ELOVL2: variants seen among roughly 807,000 people sequenced by gnomAD.
The protein encoded by ELOVL2 is ELOVL fatty acid elongase 2, also known as very long chain fatty acid elongase 2.
ELOVL2 carries 38 observed loss-of-function variants against 37.7 expected under a neutral mutation model. The ratio of observed to expected loss-of-function variants is 1.01; its 90% CI spans 0.78 to 1.32. The LOEUF (loss-of-function observed/expected upper bound fraction) is 1.32. ELOVL2 is among the 40% of genes most tolerant of loss of function. ELOVL2 has a pLI of 0.00. For missense variants in ELOVL2, 352 were observed against 363.6 expected (o/e 0.97, Z 0.26); for synonymous variants, 115 against 122.3 (o/e 0.94, Z 0.40).
At chr6:11,009,270 A>C (rs1206394047) in intron 2 of ELOVL2, among the ~76,000 whole-genome samples, 1 of 152,216 alleles carries the variant, frequency 6.6e-6, no homozygotes, top group Admixed American at 6.5e-5. Flanking sequence ...AGATACTCCC[A>C]AACCCTGTAG....
chr6:11,014,371 C>A (rs1266742024), intron 1 of ELOVL2, among the ~76,000 whole-genome samples: 5 of 150,988 alleles, frequency 3.3e-5, no homozygotes, highest in African/African-American at 9.8e-5. Context: ...CTCAGCTACT[C>A]AGAAGGCTGA....
intron 7 of ELOVL2, among the ~76,000 whole-genome samples, chr6:10,984,673 C>T (rs1263699672): frequency 1.3e-5 from 2 of 150,964 alleles, no homozygotes; most frequent in Non-Finnish European, 1.5e-5. Context: ...ATCCATGTCC[C>T]TACAAAGGAC....
chr6:11,041,712 T>C (rs939831300), intron 1 of ELOVL2, among the ~76,000 whole-genome samples: 3 of 152,242 alleles, frequency 2.0e-5, no homozygotes, highest in Non-Finnish European at 4.4e-5. Context: ...TAGTCATAGC[T>C]ATAATTACAT....
chr6:11,044,279 G>C lies in ELOVL2; in HGVS notation c.-49C>G. Reference sequence around the variant, plus strand: ...CGACCCGGGCGGGCGGCGATGCGCTGTCCAGGGTAGCCGGGTCCCTCTGCC... The same window carrying C: ...CGACCCGGGCGGGCGGCGATGCGCTCTCCAGGGTAGCCGGGTCCCTCTGCC... On this transcript the variant is annotated 5_prime_UTR_variant, in exon 1 of 8. Coordinates refer to ENST00000354666, the MANE Select transcript of ELOVL2 (RefSeq NM_017770.4). The surrounding 1 kb of genome is among the most constrained non-coding windows in gnomAD (Gnocchi z 5.6). 1.6e-6 allele frequency: 2 copies of C among 1,288,340 alleles called. No homozygotes were observed. Among genetic ancestry groups the C allele is most frequent in the Non-Finnish European group, 2.0e-6 (2 of 1,018,782 alleles). The allele number at this position is 1,288,340 out of a possible 1,614,324, so 79.8% of individuals were successfully genotyped here.
intron 1 of ELOVL2, among the ~76,000 whole-genome samples, chr6:11,030,528 G>A (rs1369575280): frequency 6.6e-6 from 1 of 152,062 alleles, no homozygotes; most frequent in East Asian, 1.9e-4. Context: ...GTCTCGCTCT[G>A]TCACCCAGGC....
rs1401094736 is a variant in ELOVL2 at position 11,005,444 on chromosome 6, A to G, written c.183T>C (p.Ala61=). The G allele has an allele frequency of 6.2e-7, 1 of 1,614,178 alleles. No individual in the cohort carries two copies. The highest frequency in any genetic ancestry group is 1.7e-5 in the Admixed American group (1 of 60,028). Reference sequence around the variant, plus strand: ...AGGTGAGGATACCCCTGAGAGAAAGAGCAGGTCTGTTCTTCATATACTTGT... The same window carrying G: ...AGGTGAGGATACCCCTGAGAGAAAGGGCAGGTCTGTTCTTCATATACTTGT... ...LGNKYMKNRP[A]LSLRGILTLY... Residue 61 remains alanine (A), a synonymous_variant, in exon 3 of 8, where the codon GCT becomes GCC. Coordinates refer to ENST00000354666, the MANE Select transcript of ELOVL2 (RefSeq NM_017770.4).
At chr6:11,017,591 C>G (rs537963208) in intron 1 of ELOVL2, among the ~76,000 whole-genome samples, 1 of 152,302 alleles carries the variant, frequency 6.6e-6, no homozygotes, top group Non-Finnish European at 1.5e-5. Flanking sequence ...CTCCACTTCC[C>G]ACACATGGCT....
At position 11,044,246 on chromosome 6, in the gene ELOVL2, T is replaced by C. The variant is rs756902596; in HGVS notation, c.-16A>G. 1.4e-4 allele frequency: 188 copies of C among 1,347,384 alleles called. No individual in the cohort carries two copies. In the African/African-American group the frequency reaches 2.3e-3, roughly 16 times the overall value. The allele number at this position is 1,347,384 out of a possible 1,614,324, so 83.5% of individuals were successfully genotyped here. A position where few individuals can be genotyped will look rare whatever the true frequency, so the allele number is the denominator to read the frequency against. On this transcript the variant is annotated 5_prime_UTR_variant, in exon 1 of 8. Transcript: ENST00000354666. The surrounding 1 kb of genome is among the most constrained non-coding windows in gnomAD (Gnocchi z 5.6). ...CACTCACCATGATCCGCAGCGGCTG[T>C]GGCGCGGCGACCCGGGCGGGCGGCG...
chr6:10,985,813 A>T (rs964673943), intron 7 of ELOVL2, among the ~76,000 whole-genome samples: 5 of 152,044 alleles, frequency 3.3e-5, no homozygotes, highest in Non-Finnish European at 4.4e-5. Context: ...TTGGCTTAGG[A>T]TTGACTTGGC....
intron 3 of ELOVL2, among the ~76,000 whole-genome samples, chr6:11,002,057 A>G (rs1369575018): frequency 6.6e-6 from 1 of 152,150 alleles, no homozygotes; most frequent in Non-Finnish European, 1.5e-5. Flanking sequence ...GATCTATTTT[A>G]AGAGGGAGAT....
At chr6:10,993,084 A>G (rs13211135) in intron 5 of ELOVL2, among the ~76,000 whole-genome samples, 6 of 151,700 alleles carry the variant, frequency 4.0e-5, no homozygotes, top group African/African-American at 1.5e-4. Context: ...AAATATAACC[A>G]ACAATACTGA....
At chr6:11,002,800 G>C (rs565099469) in intron 3 of ELOVL2, among the ~76,000 whole-genome samples, 70 of 152,254 alleles carry the variant, frequency 4.6e-4, no homozygotes, top group African/African-American at 1.6e-3. Flanking sequence ...TAGTCCATAG[G>C]CTCTTCAAGT....
chr6:11,010,023 C>CTTT (rs150370092), intron 2 of ELOVL2, among the ~76,000 whole-genome samples: 10 of 132,996 alleles, frequency 7.5e-5, no homozygotes, highest in East Asian at 2.2e-4. Context: ...GCGCACACAT[C>CTTT]TTTTTTTTTT....
rs568868443 is a variant in ELOVL2, at chr6:11,043,713, G to C, written c.3+515C>G. On this transcript the variant is annotated intron_variant, in intron 1 of 7. Coordinates refer to ENST00000354666, the MANE Select transcript of ELOVL2 (RefSeq NM_017770.4). The stretch of plus-strand genomic sequence containing the variant: ...CAGGCGCGGTGAAGGGAGGAGAGGG[G>C]CAAGAGCTTGACCGTTAGGGCCCGA... 6.0e-4 allele frequency: 93 copies of C among 155,092 alleles called. 1 individual carries two copies. The highest frequency in any genetic ancestry group is 2.0e-3 in the African/African-American group (85 of 41,612). 9.6% of individuals were successfully genotyped at this position (155,092 alleles called of 1,614,324 possible).
Position 11,015,239 on chromosome 6 carries a change from A to C in ELOVL2, c.4-4430T>G, listed in dbSNP as rs544105701. On this transcript the variant is annotated intron_variant, in intron 1 of 7. Transcript: ENST00000354666. ...AGAATAGCCTTCAAAAATGAGGGCT[A>C]AATAAGGACATATTCATATATGCCC... 3.9e-5 allele frequency among the ~76,000 whole-genome samples: 6 copies of C among 152,320 alleles called. No homozygotes were observed. The South Asian group carries it at 1.2e-3, about 32-fold the overall frequency.
At position 10,990,308 on chromosome 6, in the gene ELOVL2, G is replaced by A. The variant is rs375263595; in HGVS notation, c.630+10C>T. On this transcript the variant is annotated intron_variant, in intron 6 of 7. Transcript: ENST00000354666. ...CACATGGAGAAAAGCTAAAAGAAGGGACAACATACCAGCTGAGCCTGTGTG... is the reference window on the plus strand; with the variant it reads ...CACATGGAGAAAAGCTAAAAGAAGGAACAACATACCAGCTGAGCCTGTGTG... The A allele has an allele frequency of 2.0e-5, 32 of 1,607,412 alleles. 1 individual carries two copies. The Admixed American group carries it at 5.3e-4, about 27-fold the overall frequency.
At chr6:10,986,648 C>A (rs1581856377) in intron 7 of ELOVL2, among the ~76,000 whole-genome samples, 1 of 152,066 alleles carries the variant, frequency 6.6e-6, no homozygotes, top group African/African-American at 2.4e-5. Flanking sequence ...TGCTGGATTA[C>A]ATTTATTGAT....
intron 3 of ELOVL2, among the ~76,000 whole-genome samples, chr6:11,001,358 A>G (rs1298418920): frequency 6.6e-6 from 1 of 152,216 alleles, no homozygotes; most frequent in Non-Finnish European, 1.5e-5. Context: ...GGGATCTACT[A>G]CAAATCAGGT....
Position 10,981,001 on chromosome 6 carries a change from C to T in ELOVL2, c.*2780G>A, listed in dbSNP as rs1581852881. Reference sequence around the variant, plus strand: ...CAAATGGACTCCTAGATACAAAAGGCTGTTCTGCCCATCACAGTAAACACT... The same window carrying T: ...CAAATGGACTCCTAGATACAAAAGGTTGTTCTGCCCATCACAGTAAACACT... On this transcript the variant is annotated 3_prime_UTR_variant, in exon 8 of 8. Coordinates refer to ENST00000354666, the MANE Select transcript of ELOVL2 (RefSeq NM_017770.4). The T allele has an allele frequency of 6.6e-6, 1 of 152,460 alleles. No individual in the cohort carries two copies. Among genetic ancestry groups the T allele is most frequent in the African/African-American group, 2.4e-5 (1 of 41,548 alleles). The allele number at this position is 152,460 out of a possible 1,614,324, so 9.4% of individuals were successfully genotyped here. A position where few individuals can be genotyped will look rare whatever the true frequency, so the allele number is the denominator to read the frequency against.
Sources: gnomAD v4.1 joint callset for allele counts (sites outside exome capture counted in the v4.1 genomes callset) on GRCh38, gnomAD v4.1.1 for gene constraint, Gnocchi (gnomAD v3.1) non-coding constraint, MANE v1.5 for transcripts, NCBI Gene and HGNC (gene_info 2026-07-23, HGNC 2026-07-21) for gene names.